The following SGCD variants were observed in gnomAD, a reference collection of about 807,000 sequenced individuals.
SGCD encodes sarcoglycan delta, also known as delta-sarcoglycan.
SGCD carries 18 observed loss-of-function variants against 36.6 expected under a neutral mutation model. The ratio of observed to expected loss-of-function variants is 0.49; its 90% CI spans 0.34 to 0.73. The LOEUF (loss-of-function observed/expected upper bound fraction) is 0.73, where lower values mean the gene tolerates loss of function less well. SGCD is among the 30% of genes least tolerant of loss of function. The pLI is 0.01. For missense variants in SGCD, 387 were observed against 346.7 expected (o/e 1.12, Z -0.92); for synonymous variants, 133 against 130.6 (o/e 1.02, Z -0.12).
chr5:156,624,471 C>A (rs1014473365), intron 6 of SGCD, among the ~76,000 whole-genome samples: 3 of 152,116 alleles, frequency 2.0e-5, no homozygotes, highest in African/African-American at 7.2e-5. Flanking sequence ...GTTCCAGCTA[C>A]TCGGGAGGCT....
chr5:155,997,365 A>G (rs1432886351), intron 1 of SGCD, among the ~76,000 whole-genome samples: 1 of 152,236 alleles, frequency 6.6e-6, no homozygotes, highest in East Asian at 1.9e-4. Flanking sequence ...TAACAAACCT[A>G]TGAGAGTTCA....
At chr5:156,110,847 G>T (rs1220342894) in intron 1 of SGCD, among the ~76,000 whole-genome samples, 1 of 152,108 alleles carries the variant, frequency 6.6e-6, no homozygotes, top group Non-Finnish European at 1.5e-5. Flanking sequence ...CTTCCGGCAG[G>T]TGTCTCAGCT....
chr5:156,245,714 C>T (rs1163265311), intron 3 of SGCD, among the ~76,000 whole-genome samples: 1 of 151,886 alleles, frequency 6.6e-6, no homozygotes, highest in East Asian at 1.9e-4. Context: ...CATGGGGATG[C>T]AACCAACCAA....
intron 6 of SGCD, among the ~76,000 whole-genome samples, chr5:156,631,818 C>G (rs1272338050): frequency 6.6e-6 from 1 of 152,094 alleles, no homozygotes; most frequent in Non-Finnish European, 1.5e-5. Flanking sequence ...GTAATGGTCA[C>G]TCTTCAAAAT....
At chr5:156,486,329 A>G (rs1004419236) in intron 3 of SGCD, among the ~76,000 whole-genome samples, 3 of 152,038 alleles carry the variant, frequency 2.0e-5, no homozygotes, top group Non-Finnish European at 2.9e-5. Flanking sequence ...TGCCCCTGAG[A>G]CAAAGGAGAC....
chr5:156,597,742 A>G (rs1448741698), intron 6 of SGCD, among the ~76,000 whole-genome samples: 1 of 147,442 alleles, frequency 6.8e-6, no homozygotes, highest in Non-Finnish European at 1.5e-5. Flanking sequence ...AAAACCCCTT[A>G]TGTGGATACT....
intron 6 of SGCD, among the ~76,000 whole-genome samples, chr5:156,601,280 C>T (rs1581234002): frequency 6.6e-6 from 1 of 152,168 alleles, no homozygotes; most frequent in South Asian, 2.1e-4. Flanking sequence ...TTTACATTTA[C>T]ATCTTTAAAT....
At chr5:155,960,445 C>G (rs1255799155) in intron 1 of SGCD, among the ~76,000 whole-genome samples, 1 of 152,082 alleles carries the variant, frequency 6.6e-6, no homozygotes, top group African/African-American at 2.4e-5. Context: ...GAGCTCAGGC[C>G]TGTATCTTTC....
intron 6 of SGCD, among the ~76,000 whole-genome samples, chr5:156,625,649 G>GTT (rs1309601962): frequency 6.6e-6 from 1 of 152,174 alleles, no homozygotes; most frequent in Non-Finnish European, 1.5e-5. Context: ...AATCTCTGGG[G>GTT]TCCATTGTCC....
At chr5:156,322,617 G>A (rs1767701894), upstream of SGCD, among the ~76,000 whole-genome samples, 1 of 152,156 alleles carries the variant, frequency 6.6e-6, no homozygotes, top group Non-Finnish European at 1.5e-5. Context: ...TGATAATGGA[G>A]GTTACATTTA....
intron 3 of SGCD, among the ~76,000 whole-genome samples, chr5:156,235,512 C>T (rs1038091497): frequency 6.6e-6 from 1 of 152,180 alleles, no homozygotes; most frequent in Non-Finnish European, 1.5e-5. Context: ...CCAAGTGTAA[C>T]CATGTCTTTG....
intron 3 of SGCD, among the ~76,000 whole-genome samples, chr5:156,220,688 C>A (rs1228525222): frequency 2.0e-5 from 3 of 152,074 alleles, no homozygotes; most frequent in African/African-American, 7.2e-5. Context: ...ACCTACCAGT[C>A]AAAACAGGAA....
chr5:156,186,938 T>C (rs1349358009), intron 3 of SGCD, among the ~76,000 whole-genome samples: 4 of 152,220 alleles, frequency 2.6e-5, no homozygotes, highest in Admixed American at 6.5e-5. Context: ...TGTTCTCTCC[T>C]AGGAGAATGT....
intron 1 of SGCD, among the ~76,000 whole-genome samples, chr5:156,101,537 T>A (rs969123534): frequency 6.6e-6 from 1 of 152,198 alleles, no homozygotes; most frequent in Admixed American, 6.6e-5. Flanking sequence ...CCCTAATGAA[T>A]CGTTATTGCC....
chr5:156,386,494 A>C (rs531449039), intron 3 of SGCD, among the ~76,000 whole-genome samples: 5 of 152,374 alleles, frequency 3.3e-5, no homozygotes, highest in Admixed American at 2.0e-4. Flanking sequence ...TTAAGCATAA[A>C]TATCTGAGTT....
intron 7 of SGCD, among the ~76,000 whole-genome samples, chr5:156,677,458 A>G (rs1753558422): frequency 1.3e-5 from 2 of 151,738 alleles, no homozygotes; most frequent in Admixed American, 6.6e-5. Flanking sequence ...CAAACACCAC[A>G]TGTTCTCACT....
At chr5:156,545,153 A>ACATTTACAAGGTG (rs1295968449) in intron 4 of SGCD, among the ~76,000 whole-genome samples, 1 of 152,154 alleles carries the variant, frequency 6.6e-6, no homozygotes, top group East Asian at 1.9e-4. Context: ...GTCCCATGAA[A>ACATTTACAAGGTG]TTAGAAACCT....
intron 4 of SGCD, among the ~76,000 whole-genome samples, chr5:156,541,363 C>A (rs766401999): frequency 6.6e-5 from 10 of 151,808 alleles, no homozygotes; most frequent in South Asian, 2.1e-4. Context: ...CTTAGAGTAG[C>A]AAGAGTAGGA....
the SGCD span, among the ~76,000 whole-genome samples, chr5:155,786,786 C>T: frequency 2.0e-5 from 3 of 152,160 alleles, no homozygotes; most frequent in African/African-American, 4.8e-5. Context: ...GGCCTTTCCA[C>T]GTTAATAGTC....
Sources: allele counts gnomAD v4.1 joint callset (sites outside exome capture counted in the v4.1 genomes callset), GRCh38; gene constraint gnomAD v4.1.1; transcripts MANE v1.5; gene names NCBI Gene and HGNC (gene_info 2026-07-23, HGNC 2026-07-21).